The following LYPLAL1 variants were observed in gnomAD, a reference collection of about 807,000 sequenced individuals.
LYPLAL1 encodes lysophospholipase like 1, also known as lysophospholipase-like protein 1.
A neutral mutation model predicts 19.7 loss-of-function variants in LYPLAL1; 23 were observed. The observed-to-expected ratio is 1.17, with a 90% CI of 0.84 to 1.65. The LOEUF is 1.65. LYPLAL1 is among the 40% of genes most tolerant of loss of function. LYPLAL1 has a pLI of 0.00. For missense variants in LYPLAL1, 355 were observed against 279.4 expected, an observed-to-expected ratio of 1.27 and a Z score of -1.93; for synonymous variants, 119 against 96.3, an observed-to-expected ratio of 1.24 and a Z score of -1.38.
the LYPLAL1 span, among the ~76,000 whole-genome samples, chr1:219,347,487 G>A: frequency 6.6e-6 from 1 of 152,058 alleles, no homozygotes; most frequent in East Asian, 1.9e-4. Flanking sequence ...AATCACCGGG[G>A]CCTTGTCCTG....
the LYPLAL1 span, among the ~76,000 whole-genome samples, chr1:219,328,674 A>G: frequency 6.6e-6 from 1 of 152,338 alleles, no homozygotes; most frequent in East Asian, 1.9e-4. Flanking sequence ...AATAAGCCAC[A>G]TTAATAAACC....
chr1:219,439,247 C>A, the LYPLAL1 span, among the ~76,000 whole-genome samples: 1 of 152,116 alleles, frequency 6.6e-6, no homozygotes, highest in African/African-American at 2.4e-5. Context: ...TTGCACACTT[C>A]CTTTATGCCT....
chr1:219,348,869 A>C, the LYPLAL1 span, among the ~76,000 whole-genome samples: 2 of 152,190 alleles, frequency 1.3e-5, no homozygotes, highest in African/African-American at 4.8e-5. Flanking sequence ...AAAAAGACAA[A>C]AATCTCCACT....
chr1:219,342,176 G>C, the LYPLAL1 span, among the ~76,000 whole-genome samples: 1 of 152,038 alleles, frequency 6.6e-6, no homozygotes, highest in African/African-American at 2.4e-5. Context: ...CCCACTAGCT[G>C]CTGAGAAACA....
the LYPLAL1 span, among the ~76,000 whole-genome samples, chr1:219,440,024 C>CAT: frequency 6.0e-3 from 794 of 132,378 alleles, 4 homozygotes; most frequent in African/African-American, 0.018. Flanking sequence ...CACACACACA[C>CAT]ATATATATAT....
chr1:219,188,560 A>G (rs1234907822), intron 2 of LYPLAL1, among the ~76,000 whole-genome samples: 5 of 151,804 alleles, frequency 3.3e-5, no homozygotes, highest in African/African-American at 7.2e-5. Context: ...GTGGTATGAA[A>G]TGAGGATAAA....
chr1:219,339,389 G>A, the LYPLAL1 span, among the ~76,000 whole-genome samples: 2 of 152,144 alleles, frequency 1.3e-5, no homozygotes, highest in East Asian at 1.9e-4. Flanking sequence ...GAGCAACGGT[G>A]ATAATAGCTA....
chr1:219,304,737 G>A, the LYPLAL1 span, among the ~76,000 whole-genome samples: 1 of 152,140 alleles, frequency 6.6e-6, no homozygotes, highest in Non-Finnish European at 1.5e-5. Flanking sequence ...GGTAGGAAAG[G>A]CACCAGACCC....
chr1:219,220,730 T>C, the LYPLAL1 span, among the ~76,000 whole-genome samples: 9 of 152,150 alleles, frequency 5.9e-5, no homozygotes, highest in Non-Finnish European at 1.5e-5. Flanking sequence ...TTGAGAATTA[T>C]AGCGAGCATA....
intron 3 of LYPLAL1, among the ~76,000 whole-genome samples, chr1:219,208,277 CTGAT>C (rs1658730010): frequency 6.6e-6 from 1 of 152,006 alleles, no homozygotes; most frequent in African/African-American, 2.4e-5. Flanking sequence ...GTTTTTATAA[CTGAT>C]TAAGTATTTG....
the LYPLAL1 span, among the ~76,000 whole-genome samples, chr1:219,362,774 T>G: frequency 6.6e-6 from 1 of 152,088 alleles, no homozygotes; most frequent in Non-Finnish European, 1.5e-5. Flanking sequence ...GTAGTGAGTT[T>G]TGTTCTATTT....
chr1:219,240,858 A>G, the LYPLAL1 span, among the ~76,000 whole-genome samples: 2 of 151,726 alleles, frequency 1.3e-5, no homozygotes, highest in African/African-American at 2.4e-5. Context: ...CTCTTTCCCA[A>G]TGGAATGTGG....
chr1:219,411,998 A>C, the LYPLAL1 span: 4 of 152,584 alleles, frequency 2.6e-5, no homozygotes, highest in African/African-American at 9.7e-5. Flanking sequence ...TGTGCTTAGG[A>C]GAAGTATTGT....
At chr1:219,385,164 A>G in the LYPLAL1 span, among the ~76,000 whole-genome samples, 1 of 152,204 alleles carries the variant, frequency 6.6e-6, no homozygotes, top group Non-Finnish European at 1.5e-5. Context: ...CTCATTTTGA[A>G]AAGAAAGCAC....
the LYPLAL1 span, among the ~76,000 whole-genome samples, chr1:219,291,273 G>A: frequency 6.6e-6 from 1 of 152,174 alleles, no homozygotes; most frequent in South Asian, 2.1e-4. Flanking sequence ...AAGAATCTCT[G>A]ATGCAGATAT....
the LYPLAL1 span, among the ~76,000 whole-genome samples, chr1:219,425,673 C>A: frequency 1.3e-5 from 2 of 152,092 alleles, no homozygotes; most frequent in Non-Finnish European, 2.9e-5. Context: ...TAGTATAGGA[C>A]CTGGCCATAG....
rs1292200568 is a variant in LYPLAL1 at position 219,212,765 on chromosome 1, G to T, written c.*1037G>T. 1 of 151,980 alleles carries T rather than the reference G, an allele frequency of 6.6e-6. No individual in the cohort carries two copies. Among genetic ancestry groups the T allele is most frequent in the Non-Finnish European group, 1.5e-5 (1 of 67,922 alleles). The allele number at this position is 151,980 out of a possible 1,614,324, so 9.4% of individuals were successfully genotyped here. On this transcript the variant is annotated 3_prime_UTR_variant, in exon 5 of 5. Transcript: ENST00000366928. ...TTATTGCTCAGTAATATTCCATTGT[G>T]TGGATGTATCACTATTTGTTTACAC...
the LYPLAL1 span, among the ~76,000 whole-genome samples, chr1:219,311,470 A>C: frequency 6.6e-6 from 1 of 151,986 alleles, no homozygotes; most frequent in Admixed American, 6.5e-5. Flanking sequence ...CCCCCATACC[A>C]ACACCAATCC....
the LYPLAL1 span, among the ~76,000 whole-genome samples, chr1:219,398,231 C>G: frequency 5.3e-5 from 8 of 152,200 alleles, no homozygotes; most frequent in Non-Finnish European, 8.8e-5. Flanking sequence ...TCTTATTTCT[C>G]AGAGGTTTTG....
Sources: allele counts gnomAD v4.1 joint callset (sites outside exome capture counted in the v4.1 genomes callset), GRCh38; gene constraint gnomAD v4.1.1; transcripts MANE v1.5; gene names NCBI Gene and HGNC (gene_info 2026-07-23, HGNC 2026-07-21).